DCAF8L2: variants seen among roughly 807,000 people sequenced by gnomAD.
DCAF8L2 encodes the protein DDB1 and CUL4 associated factor 8 like 2.
For synonymous variants in DCAF8L2, 200 were observed against 190.9 expected (o/e 1.05, Z -0.39); for missense variants, 430 against 490.7 (o/e 0.88, Z 1.17).
chrX:27,645,655 A>C (rs1031077079), intron 2 of DCAF8L2, among the ~76,000 whole-genome samples: 1 of 111,830 alleles, frequency 8.9e-6, no homozygotes, highest in Non-Finnish European at 1.9e-5. Flanking sequence ...ACATGATCCT[A>C]TATCTACAAA....
At chrX:27,547,055 C>T in the DCAF8L2 span, among the ~76,000 whole-genome samples, 6 of 112,015 alleles carry the variant, frequency 5.4e-5, no homozygotes, top group East Asian at 8.4e-4. Flanking sequence ...CTGTGCTTCC[C>T]TTTTAAACAT....
rs749922240 is a variant in DCAF8L2 at position 27,714,892 on chromosome X, A to G, written c.-142-1196A>G. Among the ~76,000 whole-genome samples the G allele has an allele frequency of 1.3e-4, 14 of 111,844 alleles. No individual in the cohort carries two copies. The East Asian group carries it at 3.4e-3, about 27-fold the overall frequency. ...AAAACATGTTTAAAGTAGAAACCACATGGATTTTTTTATTTTTTATTTTTA... is the reference window on the plus strand; with the variant it reads ...AAAACATGTTTAAAGTAGAAACCACGTGGATTTTTTTATTTTTTATTTTTA... On this transcript the variant is annotated intron_variant, in intron 3 of 4. Coordinates refer to ENST00000451261, the MANE Select transcript of DCAF8L2 (RefSeq NM_001353450.2).
intron 4 of DCAF8L2, among the ~76,000 whole-genome samples, chrX:27,733,901 A>T (rs1219462054): frequency 1.8e-5 from 2 of 111,729 alleles, no homozygotes; most frequent in East Asian, 5.6e-4. Context: ...AGTCAATGTG[A>T]TATACAACAT....
intron 1 of DCAF8L2, among the ~76,000 whole-genome samples, chrX:27,593,408 C>T (rs149784040): frequency 0.035 from 3,920 of 112,294 alleles, 69 homozygotes; most frequent in Non-Finnish European, 0.056. Context: ...GGATGTCCTT[C>T]CTTTTTCAAG....
At chrX:27,732,066 CAT>C (rs1921236437) in intron 4 of DCAF8L2, among the ~76,000 whole-genome samples, 1 of 111,384 alleles carries the variant, frequency 9.0e-6, no homozygotes, top group Admixed American at 9.6e-5. Flanking sequence ...TCTACATACA[CAT>C]AGTGAAATTG....
At position 27,746,874 on chromosome X, in the gene DCAF8L2, A is replaced by G. The variant is rs755720853; in HGVS notation, c.-22A>G. On this transcript the variant is annotated 5_prime_UTR_variant, in exon 5 of 5. Coordinates refer to ENST00000451261, the MANE Select transcript of DCAF8L2 (RefSeq NM_001353450.2). ...GCCTGGCCTTTGCAGTTCCAGATCTACTACAGCAAACATCGTTCAAGATGT... is the reference window on the plus strand; with the variant it reads ...GCCTGGCCTTTGCAGTTCCAGATCTGCTACAGCAAACATCGTTCAAGATGT... The G allele has an allele frequency of 2.5e-5, 29 of 1,172,493 alleles. No homozygotes were observed. In the African/African-American group the frequency reaches 4.7e-4, roughly 19 times the overall value.
chrX:27,507,178 AGT>A, the DCAF8L2 span, among the ~76,000 whole-genome samples: 4 of 111,990 alleles, frequency 3.6e-5, no homozygotes, highest in African/African-American at 1.3e-4. Context: ...ATGTTGTAGC[AGT>A]GTTTTTAAAT....
intron 2 of DCAF8L2, among the ~76,000 whole-genome samples, chrX:27,656,537 T>G (rs1929358663): frequency 8.9e-6 from 1 of 111,753 alleles, no homozygotes; most frequent in Non-Finnish European, 1.9e-5. Flanking sequence ...ACTATTATTA[T>G]TCATGTGTTT....
chrX:27,671,021 G>A (rs1271288014), intron 2 of DCAF8L2, among the ~76,000 whole-genome samples: 1 of 111,849 alleles, frequency 8.9e-6, no homozygotes, highest in Non-Finnish European at 1.9e-5. Flanking sequence ...ACTAAAACAG[G>A]TTCTGTGTCC....
chrX:27,700,823 A>G (rs908998545), intron 3 of DCAF8L2, among the ~76,000 whole-genome samples: 4 of 111,556 alleles, frequency 3.6e-5, no homozygotes, highest in African/African-American at 1.3e-4. Context: ...AAATGACAAT[A>G]TTAAAATACT....
intron 4 of DCAF8L2, among the ~76,000 whole-genome samples, chrX:27,731,397 T>C (rs1467415697): frequency 9.0e-6 from 1 of 110,717 alleles, no homozygotes; most frequent in African/African-American, 3.3e-5. Flanking sequence ...AAAGACTCTG[T>C]CTCAAAAACA....
At chrX:27,679,891 C>T (rs896778274) in intron 3 of DCAF8L2, among the ~76,000 whole-genome samples, 2 of 111,761 alleles carry the variant, frequency 1.8e-5, no homozygotes, top group Admixed American at 9.5e-5. Flanking sequence ...TTGCTTTATC[C>T]AGCAAATAGA....
chrX:27,567,221 T>A, the DCAF8L2 span, among the ~76,000 whole-genome samples: 1 of 109,975 alleles, frequency 9.1e-6, no homozygotes, highest in East Asian at 2.9e-4. Flanking sequence ...TGGAAAGTTT[T>A]GTATATGTCT....
the DCAF8L2 span, among the ~76,000 whole-genome samples, chrX:27,573,255 C>CTCTG: frequency 1.5e-5 from 1 of 65,980 alleles, no homozygotes; most frequent in Non-Finnish European, 2.9e-5. Context: ...CTCTCTCTCT[C>CTCTG]ACACACACAC....
the DCAF8L2 span, among the ~76,000 whole-genome samples, chrX:27,481,686 A>G: frequency 7.9e-3 from 878 of 111,529 alleles, 3 homozygotes; most frequent in Non-Finnish European, 9.6e-3. Context: ...GGTGACATAA[A>G]TGATTGGTCT....
At chrX:27,470,987 G>A in the DCAF8L2 span, among the ~76,000 whole-genome samples, 12 of 111,266 alleles carry the variant, frequency 1.1e-4, no homozygotes, top group African/African-American at 3.6e-4. Context: ...TTACCCATTC[G>A]ATGTCATTAA....
Position 27,747,327 on chromosome X carries a change from G to GAGGAA in DCAF8L2, c.432_433insAGGAA (p.Glu145ArgfsTer23). On this transcript the variant is annotated frameshift_variant, in exon 5 of 5. Coordinates refer to ENST00000451261, the MANE Select transcript of DCAF8L2 (RefSeq NM_001353450.2). LOFTEE classifies it low-confidence loss of function (END_TRUNC). ...AGGAGGAGGAGGAGGAGGAGGAGGA[G>GAGGAA]GAAGAAGAACAGCCTCGGGCGGGTC... The GAGGAA allele has an allele frequency of 8.9e-7, 1 of 1,124,558 alleles. No homozygotes were observed. The highest frequency in any genetic ancestry group is 2.0e-5 in the South Asian group (1 of 49,229). The allele number at this position is 1,124,558 out of a possible 1,213,427, so 92.7% of individuals were successfully genotyped here.
intron 4 of DCAF8L2, among the ~76,000 whole-genome samples, chrX:27,732,754 T>C (rs1921289278): frequency 9.0e-6 from 1 of 111,252 alleles, no homozygotes; most frequent in Admixed American, 9.6e-5. Context: ...GATTGCTGGG[T>C]CATATGATAG....
chrX:27,485,236 T>A, the DCAF8L2 span, among the ~76,000 whole-genome samples: 1 of 111,972 alleles, frequency 8.9e-6, no homozygotes, highest in Non-Finnish European at 1.9e-5. Context: ...AAAACTCTCG[T>A]GCTAATATTT....
Sources: allele counts gnomAD v4.1 joint callset (sites outside exome capture counted in the v4.1 genomes callset), GRCh38; gene constraint gnomAD v4.1.1; transcripts MANE v1.5; gene names NCBI Gene and HGNC (gene_info 2026-07-23, HGNC 2026-07-21).